GARIN1B: variants seen among roughly 807,000 people sequenced by gnomAD.
The protein encoded by GARIN1B is golgi associated RAB2 interactor 1B, also known as Golgi-associated RAB2 interactor protein 1B.
the GARIN1B span, among the ~76,000 whole-genome samples, chr7:128,725,241 C>T: frequency 5.9e-5 from 9 of 152,126 alleles, no homozygotes; most frequent in Admixed American, 3.3e-4. Context: ...AGGAACTTCT[C>T]GATGAGATGT....
At chr7:128,726,009 G>A in the GARIN1B span, among the ~76,000 whole-genome samples, 1 of 152,260 alleles carries the variant, frequency 6.6e-6, no homozygotes, top group Non-Finnish European at 1.5e-5. Flanking sequence ...CAGGTGCAAG[G>A]CTGAGGCTTC....
the GARIN1B span, chr7:128,726,766 A>G: frequency 6.3e-7 from 1 of 1,584,956 alleles, no homozygotes; most frequent in Non-Finnish European, 8.7e-7. Flanking sequence ...TCTGAAATAC[A>G]AATTTAATGT....
At chr7:128,714,526 C>T in the GARIN1B span, among the ~76,000 whole-genome samples, 13 of 151,928 alleles carry the variant, frequency 8.6e-5, no homozygotes, top group Admixed American at 4.6e-4. Flanking sequence ...TGTGGTGAGC[C>T]GAGATCGCGC....
At chr7:128,730,025 G>T in the GARIN1B span, 1 of 1,614,118 alleles carries the variant, frequency 6.2e-7, no homozygotes, top group Non-Finnish European at 8.5e-7. Flanking sequence ...TCACTACTCA[G>T]CACTCTGGCA....
chr7:128,714,723 G>T, the GARIN1B span, among the ~76,000 whole-genome samples: 1 of 152,162 alleles, frequency 6.6e-6, no homozygotes, highest in Non-Finnish European at 1.5e-5. Context: ...TGGTTCAGGG[G>T]TGAGGGATGC....
chr7:128,727,982 A>G, the GARIN1B span, among the ~76,000 whole-genome samples: 1 of 152,216 alleles, frequency 6.6e-6, no homozygotes, highest in Non-Finnish European at 1.5e-5. Context: ...GGCAATTAAT[A>G]CCCATATACC....
At chr7:128,730,451 G>A in the GARIN1B span, among the ~76,000 whole-genome samples, 2 of 152,010 alleles carry the variant, frequency 1.3e-5, no homozygotes, top group East Asian at 3.9e-4. Flanking sequence ...TAGGTTAAGG[G>A]GGCTGGGGTG....
the GARIN1B span, among the ~76,000 whole-genome samples, chr7:128,721,839 T>C: frequency 3.9e-5 from 6 of 152,224 alleles, no homozygotes; most frequent in African/African-American, 1.4e-4. Context: ...TTAAATGCTT[T>C]CTCTGCATCT....
the GARIN1B span, among the ~76,000 whole-genome samples, chr7:128,720,616 A>T: frequency 3.7e-4 from 57 of 152,172 alleles, no homozygotes; most frequent in Non-Finnish European, 6.5e-4. Context: ...TAGGTCTATG[A>T]TCCATTTTGA....
chr7:128,714,015 C>A, the GARIN1B span: 4 of 1,533,212 alleles, frequency 2.6e-6, no homozygotes, highest in Non-Finnish European at 3.5e-6. Flanking sequence ...ACCTGGTAAA[C>A]AAAAGATAAT....
At chr7:128,717,746 C>A in the GARIN1B span, among the ~76,000 whole-genome samples, 2 of 129,490 alleles carry the variant, frequency 1.5e-5, no homozygotes, top group Admixed American at 8.5e-5. Flanking sequence ...TGTGCCCGGC[C>A]AGGTTTTTTT....
the GARIN1B span, chr7:128,726,825 G>A: frequency 5.0e-6 from 8 of 1,613,716 alleles, no homozygotes; most frequent in South Asian, 5.5e-5. Context: ...GAAATGGCTC[G>A]AGTTTCAGGA....
the GARIN1B span, chr7:128,731,013 A>T: frequency 1.6e-6 from 2 of 1,261,616 alleles, no homozygotes; most frequent in Non-Finnish European, 2.3e-6. Flanking sequence ...CAATTTTTTT[A>T]AATTAGCATA....
the GARIN1B span, chr7:128,725,036 C>T: frequency 3.0e-6 from 1 of 328,546 alleles, no homozygotes; most frequent in Non-Finnish European, 5.1e-6. Context: ...ATGCACCAAG[C>T]ACTTAGAATG....
the GARIN1B span, chr7:128,709,116 CA>C: frequency 1.3e-5 from 2 of 152,402 alleles, no homozygotes; most frequent in Non-Finnish European, 2.9e-5. Flanking sequence ...GGAGCTGGAG[CA>C]GCCACCTGAG....
chr7:128,714,278 A>G, the GARIN1B span: 1 of 889,466 alleles, frequency 1.1e-6, no homozygotes, highest in Non-Finnish European at 1.8e-6. Flanking sequence ...TTCATTATGT[A>G]ATAAGTTCAG....
the GARIN1B span, among the ~76,000 whole-genome samples, chr7:128,716,042 G>A: frequency 6.6e-6 from 1 of 152,188 alleles, no homozygotes. Flanking sequence ...AATGCGGATT[G>A]GCGAAAGAAC....
the GARIN1B span, chr7:128,724,993 C>A: frequency 2.7e-6 from 2 of 737,002 alleles, no homozygotes; most frequent in Non-Finnish European, 3.7e-6. Context: ...ATAGTGCCAA[C>A]GCCATCCAGA....
the GARIN1B span, among the ~76,000 whole-genome samples, chr7:128,728,752 T>A: frequency 6.6e-6 from 1 of 152,226 alleles, no homozygotes; most frequent in Admixed American, 6.5e-5. Flanking sequence ...TAACACTTAG[T>A]GGGCAAACAA....
Sources: gnomAD v4.1 joint callset for allele counts (sites outside exome capture counted in the v4.1 genomes callset) on GRCh38, gnomAD v4.1.1 for gene constraint, MANE v1.5 for transcripts, NCBI Gene and HGNC (gene_info 2026-07-23, HGNC 2026-07-21) for gene names.